PRR35: variants seen among roughly 807,000 people sequenced by gnomAD.
PRR35 encodes proline rich 35.
In PRR35, 14 loss-of-function variants were observed where a neutral mutation model predicts 18.6. The ratio of observed to expected loss-of-function variants is 0.75; its 90% confidence interval spans 0.50 to 1.18. The LOEUF is 1.18. Ranked by LOEUF, PRR35 falls within the 50% of genes most tolerant of loss-of-function variation. The pLI is 0.00. For missense variants in PRR35, 832 were observed against 792.2 expected (o/e 1.05, Z -0.60); for synonymous variants, 425 against 378.2 (o/e 1.12, Z -1.43).
At position 564,130 on chromosome 16, in the gene PRR35, GCAAAGCTGCCCTTGC is replaced by G; in HGVS notation, c.840_854del (p.Ala282_Ala286del). The G allele has an allele frequency of 6.3e-7, 1 of 1,575,900 alleles. No individual in the cohort carries two copies. The highest frequency in any genetic ancestry group is 8.6e-7 in the Non-Finnish European group (1 of 1,168,928). On this transcript the variant is annotated inframe_deletion, in exon 2 of 3. Transcript: ENST00000409413. ...GAGCACACTCTGGGGCTGCCAGCAGGCAAAGCTGCCCTTGCCAAGGCCCCTGTCTCCCCCAGGAGC... is the reference window on the plus strand; with the variant it reads ...GAGCACACTCTGGGGCTGCCAGCAGGCAAGGCCCCTGTCTCCCCCAGGAGC...
intron 1 of PRR35, chr16:561,827 G>A: frequency 1.0e-6 from 1 of 977,362 alleles, no homozygotes; most frequent in Non-Finnish European, 1.2e-6. Context: ...TCGGTGTGTA[G>A]GGCCTGTGTG....
chr16:563,832 T>C lies in PRR35; in HGVS notation c.538T>C (p.Ser180Pro). The C allele has an allele frequency of 1.3e-6, 2 of 1,512,024 alleles. No individual in the cohort carries two copies. The highest frequency in any genetic ancestry group is 1.8e-6 in the Non-Finnish European group (2 of 1,126,622). The allele number at this position is 1,512,024 out of a possible 1,614,324, so 93.7% of individuals were successfully genotyped here. Residue 180 changes from serine (S) to proline (P), a missense_variant, in exon 2 of 3, where the codon TCA becomes CCA. Coordinates refer to ENST00000409413, the MANE Select transcript of PRR35 (RefSeq NM_145270.3). ...GGGCGTGGGTGCGGGGGACATGGCC[T>C]CAGCAGGCCCTGAGGGCAGCGTCCC... ...PRGVGAGDMASAGPEGSVPCY... is the reference protein window; with the variant it reads ...PRGVGAGDMAPAGPEGSVPCY...
In PRR35 at chr16:560,473, G is replaced by A; in HGVS notation, c.-228G>A. On this transcript the variant is annotated 5_prime_UTR_variant, in exon 1 of 3. Coordinates refer to ENST00000409413, the MANE Select transcript of PRR35 (RefSeq NM_145270.3). Reference sequence around the variant, plus strand: ...GGGAGTCGCTGCCGCTCGAGGGACCGCGGACCCGGGAGGTCCGGCTCCCGG... The same window carrying A: ...GGGAGTCGCTGCCGCTCGAGGGACCACGGACCCGGGAGGTCCGGCTCCCGG... The A allele has an allele frequency of 1.0e-6, 1 of 982,710 alleles. No individual in the cohort carries two copies. The highest frequency in any genetic ancestry group is 4.7e-5 in the South Asian group (1 of 21,278). The allele number at this position is 982,710 out of a possible 1,614,324, so 60.9% of individuals were successfully genotyped here.
chr16:564,465 G>T, intron 2 of PRR35, 89 bp downstream of exon 2: 1 of 1,509,886 alleles, frequency 6.6e-7, no homozygotes, highest in Non-Finnish European at 8.9e-7. Context: ...TGGCGGCTGG[G>T]GTCCGTCCTG....
intron 1 of PRR35, among the ~76,000 whole-genome samples, chr16:561,374 G>A (rs1307072242): frequency 6.6e-6 from 1 of 152,266 alleles, no homozygotes; most frequent in Non-Finnish European, 1.5e-5. Context: ...GGCTCCCAGG[G>A]CTGGGTGATC....
At position 565,166 on chromosome 16, in the gene PRR35, C is replaced by T. The variant is rs1249873209; in HGVS notation, c.1575C>T (p.Val525=). 2.5e-6 allele frequency: 4 copies of T among 1,610,678 alleles called. No individual in the cohort carries two copies. Among genetic ancestry groups the T allele is most frequent in the East Asian group, 2.2e-5 (1 of 44,838 alleles). The change falls in exon 3 of 3, where the codon GTC becomes GTT. Residue 525 remains valine, a synonymous_variant. Transcript: ENST00000409413. The part of the protein sequence containing the change: ...HTTKCEADSS[V]PPPGLPLAAP... ...CCAAGTGTGAGGCCGACTCCAGCGT[C>T]CCACCCCCAGGGCTCCCCCTCGCAG...
At position 563,250 on chromosome 16, in the gene PRR35, CT is replaced by C; in HGVS notation, c.-39-5del. ...GGCTTGGCACTGACTGTGGCCCCAT[CT>C]ACAGGTGGCCATGGTGCCCGGCCCT... On this transcript the variant is annotated splice_polypyrimidine_tract_variant and splice_region_variant and intron_variant, in intron 1 of 2. Transcript: ENST00000409413. 6.5e-7 allele frequency: 1 copy of C among 1,543,152 alleles called. No homozygotes were observed.
In PRR35 at chr16:563,936, G is replaced by A. The variant is rs559972963; in HGVS notation, c.642G>A (p.Pro214=). 8.3e-5 allele frequency: 132 copies of A among 1,594,574 alleles called. No individual in the cohort carries two copies. The highest frequency in any genetic ancestry group is 1.1e-4 in the Non-Finnish European group (128 of 1,171,896). ...TGTCTCTGCTGGGCGTCAACTACCC[G>A]CTCAGCCCCGGCCTCTTCTCCTACT... ...LHLSLLGVNY[P]LSPGLFSYLG... The change falls in exon 2 of 3, where the codon CCG becomes CCA. Residue 214 remains proline, a synonymous_variant. Transcript: ENST00000409413.
chr16:564,960 G>C lies in PRR35; in HGVS notation c.1369G>C (p.Ala457Pro), dbSNP rs1397545226. 1.2e-6 allele frequency: 2 copies of C among 1,605,590 alleles called. No individual in the cohort carries two copies. Among genetic ancestry groups the C allele is most frequent in the East Asian group, 2.2e-5 (1 of 44,700 alleles). ...CACCATTCACCAGGCGCTGGAGCAG[G>C]CCGTGAGGCCGCCAGACGCACCCCT... Reference protein sequence around the residue: ...LLTIHQALEQAVRPPDAPLDL... With the variant: ...LLTIHQALEQPVRPPDAPLDL... The change falls in exon 3 of 3, where the codon GCC (alanine) becomes CCC (proline). Residue 457 changes from alanine (A) to proline (P), a missense_variant. Around this residue, in one of 3 missense-constraint regions of PRR35, gnomAD observed 768 missense variants for 704.1 expected, o/e 1.09. Coordinates refer to ENST00000409413, the MANE Select transcript of PRR35 (RefSeq NM_145270.3).
chr16:560,523 G>A lies in PRR35; in HGVS notation c.-178G>A. On this transcript the variant is annotated 5_prime_UTR_variant, in exon 1 of 3. Transcript: ENST00000409413. Reference sequence around the variant, plus strand: ...GCGCCGGGCCTCAGTTTCCCCCACGGGAGCCGCATCCCACCCCCAGAGCCC... The same window carrying A: ...GCGCCGGGCCTCAGTTTCCCCCACGAGAGCCGCATCCCACCCCCAGAGCCC... The A allele has an allele frequency of 1.0e-6, 1 of 982,904 alleles. No homozygotes were observed. The highest frequency in any genetic ancestry group is 1.8e-5 in the African/African-American group (1 of 57,118). 60.9% of individuals were successfully genotyped at this position (982,904 alleles called of 1,614,324 possible).
Position 564,233 on chromosome 16 carries a change from C to G in PRR35, c.939C>G (p.Pro313=), listed in dbSNP as rs1230073240. 1 of 1,571,742 alleles carries G rather than the reference C, an allele frequency of 6.4e-7. No homozygotes were observed. The highest frequency in any genetic ancestry group is 1.3e-5 in the African/African-American group (1 of 74,242). ...CAGTTCCAGGGCTGGGGCCCTGGCC[C>G]CGAGTCACCCCCAGGGACCCAGGGC... The part of the protein sequence containing the change: ...KVPVPGLGPW[P]RVTPRDPGQE... Residue 313 remains proline, a synonymous_variant, in exon 2 of 3, where the codon CCC becomes CCG. Transcript: ENST00000409413.
chr16:561,762 G>A, intron 1 of PRR35: 1 of 985,462 alleles, frequency 1.0e-6, no homozygotes, highest in South Asian at 4.7e-5. Flanking sequence ...CAACCCACTG[G>A]CCATGCATGA....
In PRR35 at chr16:560,623, C is replaced by G; in HGVS notation, c.-78C>G. The G allele has an allele frequency of 1.0e-6, 1 of 983,090 alleles. No homozygotes were observed. The highest frequency in any genetic ancestry group is 1.2e-6 in the Non-Finnish European group (1 of 828,992). 60.9% of individuals were successfully genotyped at this position (983,090 alleles called of 1,614,324 possible). ...CGGGAAGTTTGCGCCCTACACGCGG[C>G]CTCGCAGACTTGGCGGCTCCGCTCC... On this transcript the variant is annotated 5_prime_UTR_variant, in exon 1 of 3. Coordinates refer to ENST00000409413, the MANE Select transcript of PRR35 (RefSeq NM_145270.3).
Position 565,295 on chromosome 16 carries a change from C to G in PRR35, c.1704C>G (p.Gly568=). The change falls in exon 3 of 3, where the codon GGC becomes GGG. Residue 568 remains glycine (G), a synonymous_variant. Transcript: ENST00000409413. ...EAVCGLQSPQ[G]AEV is the part of the protein sequence containing the mutation. ...TCTGTGGCCTGCAGAGCCCCCAGGG[C>G]GCCGAGGTCTGACCTGCAGCGCCTG... The G allele has an allele frequency of 6.6e-7, 1 of 1,515,598 alleles. No individual in the cohort carries two copies. Among genetic ancestry groups the G allele is most frequent in the Non-Finnish European group, 8.8e-7 (1 of 1,131,418 alleles). The allele number at this position is 1,515,598 out of a possible 1,614,324, so 93.9% of individuals were successfully genotyped here. A position where few individuals can be genotyped will look rare whatever the true frequency, so the allele number is the denominator to read the frequency against.
intron 1 of PRR35, among the ~76,000 whole-genome samples, chr16:561,362 G>C (rs1250483952): frequency 6.6e-6 from 1 of 152,176 alleles, no homozygotes; most frequent in African/African-American, 2.4e-5. Context: ...GCACAGCTGT[G>C]TGGCTCCCAG....
Position 560,581 on chromosome 16 carries a change from C to A in PRR35, c.-120C>A. The A allele has an allele frequency of 7.1e-6, 7 of 983,204 alleles. No individual in the cohort carries two copies. The highest frequency in any genetic ancestry group is 8.4e-6 in the Non-Finnish European group (7 of 829,078). 60.9% of individuals were successfully genotyped at this position (983,204 alleles called of 1,614,324 possible). ...TCCGCGGGGTCCGAGTCGCGGCCGGCGCGGGGCGGGGAGGGGCGGGAAGTT... is the reference window on the plus strand; with the variant it reads ...TCCGCGGGGTCCGAGTCGCGGCCGGAGCGGGGCGGGGAGGGGCGGGAAGTT... On this transcript the variant is annotated 5_prime_UTR_variant, in exon 1 of 3. Coordinates refer to ENST00000409413, the MANE Select transcript of PRR35 (RefSeq NM_145270.3).
rs774161183 is a variant in PRR35, at chr16:564,921, C to A, written c.1330C>A (p.Arg444Ser). Residue 444 changes from arginine (R) to serine (S), a missense_variant, in exon 3 of 3, where the codon CGC becomes AGC. Physicochemically the swap from Arg to Ser is moderately radical, Grantham distance 110. Coordinates refer to ENST00000409413, the MANE Select transcript of PRR35 (RefSeq NM_145270.3). ...CCTGCGGGAGCAGCTGGGCAAGATC[C>A]GCCTGGAGCTGCTCACCATTCACCA... ...RPLREQLGKI[R>S]LELLTIHQAL... is the part of the protein sequence containing the mutation. 6.3e-7 allele frequency: 1 copy of A among 1,599,434 alleles called. No individual in the cohort carries two copies. Among genetic ancestry groups the A allele is most frequent in the East Asian group, 2.2e-5 (1 of 44,524 alleles).
At position 560,579 on chromosome 16, in the gene PRR35, G is replaced by C; in HGVS notation, c.-122G>C. 2 of 983,296 alleles carry C rather than the reference G, an allele frequency of 2.0e-6. No individual in the cohort carries two copies. The highest frequency in any genetic ancestry group is 2.4e-6 in the Non-Finnish European group (2 of 829,106). 60.9% of individuals were successfully genotyped at this position (983,296 alleles called of 1,614,324 possible). A position where few individuals can be genotyped will look rare whatever the true frequency, so the allele number is the denominator to read the frequency against. On this transcript the variant is annotated 5_prime_UTR_variant, in exon 1 of 3. Transcript: ENST00000409413. The stretch of plus-strand genomic sequence containing the variant: ...CGTCCGCGGGGTCCGAGTCGCGGCC[G>C]GCGCGGGGCGGGGAGGGGCGGGAAG...
Position 560,560 on chromosome 16 carries a change from C to T in PRR35, c.-141C>T. On this transcript the variant is annotated 5_prime_UTR_variant, in exon 1 of 3. Transcript: ENST00000409413. ...CACCCCCAGAGCCCCAGCGCGTCCGCGGGGTCCGAGTCGCGGCCGGCGCGG... is the reference window on the plus strand; with the variant it reads ...CACCCCCAGAGCCCCAGCGCGTCCGTGGGGTCCGAGTCGCGGCCGGCGCGG... 1 of 983,050 alleles carries T rather than the reference C, an allele frequency of 1.0e-6. No individual in the cohort carries two copies. Among genetic ancestry groups the T allele is most frequent in the Non-Finnish European group, 1.2e-6 (1 of 828,984 alleles). The allele number at this position is 983,050 out of a possible 1,614,324, so 60.9% of individuals were successfully genotyped here.
Sources: allele counts gnomAD v4.1 joint callset (sites outside exome capture counted in the v4.1 genomes callset), GRCh38; gene constraint gnomAD v4.1.1; regional missense constraint gnomAD v4.1.1; transcripts MANE v1.5; gene names NCBI Gene and HGNC (gene_info 2026-07-23, HGNC 2026-07-21).